ASAP2: variants seen among roughly 807,000 people sequenced by gnomAD.
ASAP2 encodes ArfGAP with SH3 domain, ankyrin repeat and PH domain 2, also known as arf-GAP with SH3 domain, ANK repeat and PH domain-containing protein 2.
In ASAP2, 45 loss-of-function variants were observed where a neutral mutation model predicts 131.4. That is an observed-to-expected ratio of 0.34 (90% confidence interval 0.27 to 0.44). The LOEUF is 0.44. Among genes scored for constraint, ASAP2 ranks in the 20% least tolerant of loss-of-function variants. ASAP2 has a pLI of 1.00. For synonymous variants in ASAP2, 510 were observed against 503.0 expected, an observed-to-expected ratio of 1.01 and a Z score of -0.19; for missense variants, 1,011 against 1,297.0, an observed-to-expected ratio of 0.78 and a Z score of 3.39.
intron 20 of ASAP2, 149 bp from the exon 21 acceptor site, chr2:9,385,096 A>G: frequency 1.6e-6 from 1 of 614,470 alleles, no homozygotes; most frequent in South Asian, 2.1e-5. Context: ...TGAAGTAGGC[A>G]GAGGGGCGGG....
At chr2:9,264,401 G>A (rs1365486078) in intron 1 of ASAP2, among the ~76,000 whole-genome samples, 1 of 152,126 alleles carries the variant, frequency 6.6e-6, no homozygotes, top group African/African-American at 2.4e-5. Context: ...TTCCTTCCTT[G>A]GATGGCATTT....
At chr2:9,247,915 C>T (rs1475835351) in intron 1 of ASAP2, among the ~76,000 whole-genome samples, 1 of 152,228 alleles carries the variant, frequency 6.6e-6, no homozygotes, top group Non-Finnish European at 1.5e-5. Context: ...CACTGATAAC[C>T]TCTTTATGAT....
intron 1 of ASAP2, among the ~76,000 whole-genome samples, chr2:9,248,416 T>C (rs553481055): frequency 1.3e-5 from 2 of 152,254 alleles, no homozygotes; most frequent in East Asian, 1.9e-4. Context: ...TGTAGCTCTT[T>C]ATTTTTCAAG....
intron 3 of ASAP2, among the ~76,000 whole-genome samples, chr2:9,312,505 T>C (rs1572419772): frequency 1.3e-5 from 2 of 152,282 alleles, no homozygotes; most frequent in Non-Finnish European, 2.9e-5. Flanking sequence ...AAGGTCTGTC[T>C]CACATCCACT....
intron 3 of ASAP2, among the ~76,000 whole-genome samples, chr2:9,304,617 C>T (rs1668711837): frequency 6.9e-6 from 1 of 145,278 alleles, no homozygotes. Context: ...GGTGGAGAGG[C>T]TGGAGTAGTG....
chr2:9,300,540 CAG>C (rs1338994053), intron 3 of ASAP2, among the ~76,000 whole-genome samples: 1 of 152,260 alleles, frequency 6.6e-6, no homozygotes, highest in African/African-American at 2.4e-5. Flanking sequence ...CAGCTTTCTA[CAG>C]AGAGTAAAGG....
At chr2:9,236,512 C>G (rs1312002278) in intron 1 of ASAP2, among the ~76,000 whole-genome samples, 1 of 152,018 alleles carries the variant, frequency 6.6e-6, no homozygotes, top group African/African-American at 2.4e-5. Context: ...TTAAAATTGT[C>G]TCTGTACTGA....
intron 1 of ASAP2, among the ~76,000 whole-genome samples, chr2:9,271,117 C>G (rs1056871441): frequency 4.0e-5 from 6 of 151,680 alleles, no homozygotes; most frequent in Non-Finnish European, 5.9e-5. Context: ...TTTTATGGCT[C>G]TTTTCAGTTT....
Position 9,302,067 on chromosome 2 carries a change from C to T in ASAP2, c.345+4622C>T, listed in dbSNP as rs545517106. Among the ~76,000 whole-genome samples, 4 of 151,398 alleles carry T rather than the reference C, an allele frequency of 2.6e-5. No individual in the cohort carries two copies. In the East Asian group the frequency reaches 5.8e-4, roughly 22 times the overall value. On this transcript the variant is annotated intron_variant, in intron 3 of 27. Transcript: ENST00000281419. ...CTCGATCTCCTGACCTCGTGATCCACCCGCCTTGGCCTCCCAAAGTGCAGG... is the reference window on the plus strand; with the variant it reads ...CTCGATCTCCTGACCTCGTGATCCATCCGCCTTGGCCTCCCAAAGTGCAGG...
At chr2:9,390,049 C>T (rs1322096565) in intron 22 of ASAP2, among the ~76,000 whole-genome samples, 1 of 152,224 alleles carries the variant, frequency 6.6e-6, no homozygotes, top group African/African-American at 2.4e-5. Flanking sequence ...TTTTGTTCCA[C>T]TGGGTCATGG....
At chr2:9,378,699 C>T (rs1440884800) in intron 18 of ASAP2, among the ~76,000 whole-genome samples, 1 of 152,230 alleles carries the variant, frequency 6.6e-6, no homozygotes, top group Non-Finnish European at 1.5e-5. Flanking sequence ...GGGATGCCCC[C>T]CTCCCCTTTT....
chr2:9,347,686 G>C (rs1174454492), intron 11 of ASAP2, among the ~76,000 whole-genome samples: 1 of 152,192 alleles, frequency 6.6e-6, no homozygotes, highest in Non-Finnish European at 1.5e-5. Flanking sequence ...AGCCAAGTCT[G>C]TTTTCTGGCC....
At chr2:9,252,004 A>G (rs2148138579) in intron 1 of ASAP2, among the ~76,000 whole-genome samples, 1 of 152,174 alleles carries the variant, frequency 6.6e-6, no homozygotes, top group East Asian at 1.9e-4. Flanking sequence ...GAAATAAATC[A>G]GATGTACTTG....
At chr2:9,377,992 A>G (rs1030397116) in intron 18 of ASAP2, among the ~76,000 whole-genome samples, 1 of 152,044 alleles carries the variant, frequency 6.6e-6, no homozygotes, top group Non-Finnish European at 1.5e-5. Context: ...CTCCATGCAC[A>G]TTTTCAGGGG....
At position 9,209,236 on chromosome 2, in the gene ASAP2, A is replaced by T. The variant is rs186904840; in HGVS notation, c.126+2006A>T. On this transcript the variant is annotated intron_variant, in intron 1 of 27. Transcript: ENST00000281419. ...TTTATTTCACTTTAAGCAAATCTAC[A>T]TACATGCTATGATGATGGTATGTGT... is the stretch of plus-strand genomic sequence containing the variant. 6.9e-3 allele frequency among the ~76,000 whole-genome samples: 1,053 copies of T among 152,376 alleles called. 5 individuals are homozygous for T. Among genetic ancestry groups the T allele is most frequent in the Middle Eastern group, 0.024 (7 of 294 alleles).
rs112635628 is a variant in ASAP2 at position 9,355,859 on chromosome 2, A to G, written c.1112-188A>G. On this transcript the variant is annotated intron_variant, in intron 12 of 27. Coordinates refer to ENST00000281419, the MANE Select transcript of ASAP2 (RefSeq NM_003887.3). Reference sequence around the variant, plus strand: ...GAGGGAAAGGGCAGGTTTATTTTGCATTAGAATGCCACCGTTGGTGAAGGC... The same window carrying G: ...GAGGGAAAGGGCAGGTTTATTTTGCGTTAGAATGCCACCGTTGGTGAAGGC... Among the ~76,000 whole-genome samples the G allele has an allele frequency of 6.6e-3, 1,012 of 152,318 alleles. 11 individuals carry two copies. The highest frequency in any genetic ancestry group is 0.023 in the African/African-American group (959 of 41,568).
intron 1 of ASAP2, among the ~76,000 whole-genome samples, chr2:9,278,095 G>A (rs544076165): frequency 6.6e-6 from 1 of 152,282 alleles, no homozygotes; most frequent in African/African-American, 2.4e-5. Flanking sequence ...CTCAATAGCA[G>A]TAGTTATTAT....
At position 9,270,785 on chromosome 2, in the gene ASAP2, A is replaced by ATTTTT. The variant is rs35913703; in HGVS notation, c.127-8511_127-8507dup. Among the ~76,000 whole-genome samples the ATTTTT allele has an allele frequency of 6.8e-4, 36 of 52,918 alleles. 3 individuals carry two copies. The highest frequency in any genetic ancestry group is 1.6e-3 in the African/African-American group (23 of 13,980). 34.7% of individuals were successfully genotyped at this position (52,918 alleles called of 152,430 possible). ...AGTCTCCATGAGTTCAATTGTTTTC[A>ATTTTT]TTTTTTTTTTTTTTTTTTTTTTTTT... On this transcript the variant is annotated intron_variant, in intron 1 of 27. Coordinates refer to ENST00000281419, the MANE Select transcript of ASAP2 (RefSeq NM_003887.3).
intron 22 of ASAP2, 32 bp from the exon 23 acceptor site, chr2:9,391,029 TG>T (rs1675675591): frequency 6.2e-7 from 1 of 1,613,950 alleles, no homozygotes; most frequent in Admixed American, 1.7e-5. Flanking sequence ...TATGTGTGCG[TG>T]CATGCGTCTG....
Sources: gnomAD v4.1 joint callset for allele counts (sites outside exome capture counted in the v4.1 genomes callset) on GRCh38, gnomAD v4.1.1 for gene constraint, MANE v1.5 for transcripts, NCBI Gene and HGNC (gene_info 2026-07-23, HGNC 2026-07-21) for gene names.